The following SLC16A10 variants were observed in gnomAD, a reference collection of about 807,000 sequenced individuals.
The protein encoded by SLC16A10 is monocarboxylate transporter 10.
SLC16A10 carries 27 observed loss-of-function variants against 40.0 expected under a neutral mutation model. The ratio of observed to expected loss-of-function variants is 0.67; its 90% CI spans 0.50 to 0.93. The LOEUF is 0.93. Ranked by LOEUF, SLC16A10 falls within the 40% of genes least tolerant of loss-of-function variation. SLC16A10 has a pLI of 0.00. For synonymous variants in SLC16A10, 213 were observed against 249.8 expected (o/e 0.85, Z 1.39); for missense variants, 529 against 658.2 (o/e 0.80, Z 2.15).
chr6:111,145,869 G>C (rs1772068559), intron 1 of SLC16A10, among the ~76,000 whole-genome samples: 1 of 152,112 alleles, frequency 6.6e-6, no homozygotes, highest in African/African-American at 2.4e-5. Flanking sequence ...CCTCCACAAA[G>C]TGTAAAGGTA....
At position 111,172,731 on chromosome 6, in the gene SLC16A10, T is replaced by C. The variant is rs763131188; in HGVS notation, c.380T>C (p.Phe127Ser). ...TCTCTCTCCATGGGGATGATTTTCTTTTGCTGCCCAATAGTCAGCGTCTTC... is the reference window on the plus strand; with the variant it reads ...TCTCTCTCCATGGGGATGATTTTCTCTTGCTGCCCAATAGTCAGCGTCTTC... The part of the protein sequence containing the change: ...VGSLSMGMIF[F>S]CCPIVSVFTD... Residue 127 changes from phenylalanine to serine, a missense_variant, in exon 2 of 6, where the codon TTT becomes TCT. Coordinates refer to ENST00000368851, the MANE Select transcript of SLC16A10 (RefSeq NM_018593.5). The C allele has an allele frequency of 1.2e-6, 2 of 1,614,140 alleles. No individual in the cohort carries two copies. The highest frequency in any genetic ancestry group is 3.3e-5 in the Admixed American group (2 of 60,024).
At chr6:111,111,670 T>C (rs966282570) in intron 1 of SLC16A10, among the ~76,000 whole-genome samples, 9 of 152,260 alleles carry the variant, frequency 5.9e-5, no homozygotes, top group Admixed American at 4.6e-4. Flanking sequence ...CTCTCCTCTC[T>C]AACCAGTCCA....
intron 1 of SLC16A10, among the ~76,000 whole-genome samples, chr6:111,093,846 C>G (rs1340487287): frequency 6.6e-6 from 1 of 152,082 alleles, no homozygotes; most frequent in Non-Finnish European, 1.5e-5. Flanking sequence ...TCTAAACTAC[C>G]TGCTAAAATA....
chr6:111,213,842 C>T (rs1362505973), intron 4 of SLC16A10, among the ~76,000 whole-genome samples: 1 of 152,200 alleles, frequency 6.6e-6, no homozygotes, highest in African/African-American at 2.4e-5. Context: ...TTGTGATGGG[C>T]CAGCAGAACT....
In SLC16A10 at chr6:111,200,172, G is replaced by C. The variant is rs530656537; in HGVS notation, c.943-6420G>C. Among the ~76,000 whole-genome samples the C allele has an allele frequency of 3.3e-5, 5 of 152,288 alleles. No individual in the cohort carries two copies. In the South Asian group the frequency reaches 1.0e-3, roughly 32 times the overall value. ...CACCTGGTCAGCTGCTGAGGAGGGGGCAGGTACCTGTACCACAGTTTAGCC... is the reference window on the plus strand; with the variant it reads ...CACCTGGTCAGCTGCTGAGGAGGGGCCAGGTACCTGTACCACAGTTTAGCC... On this transcript the variant is annotated intron_variant, in intron 3 of 5. Coordinates refer to ENST00000368851, the MANE Select transcript of SLC16A10 (RefSeq NM_018593.5).
intron 1 of SLC16A10, chr6:111,091,346 A>G (rs1290504589): frequency 6.6e-6 from 1 of 152,158 alleles, no homozygotes; most frequent in Admixed American, 6.5e-5. Context: ...GCTGGGTTTT[A>G]ATCATTCATC....
chr6:111,124,108 T>G (rs1440287681), intron 1 of SLC16A10, among the ~76,000 whole-genome samples: 1 of 152,140 alleles, frequency 6.6e-6, no homozygotes, highest in African/African-American at 2.4e-5. Context: ...CAGGATGATT[T>G]CATCATATGA....
At chr6:111,100,451 C>T (rs565557698) in intron 1 of SLC16A10, among the ~76,000 whole-genome samples, 10 of 151,570 alleles carry the variant, frequency 6.6e-5, no homozygotes, top group African/African-American at 1.2e-4. Context: ...TGCAGTGGTG[C>T]GATCTCGGCT....
At chr6:111,088,379 G>A (rs1300622612) in intron 1 of SLC16A10, among the ~76,000 whole-genome samples, 2 of 152,206 alleles carry the variant, frequency 1.3e-5, no homozygotes, top group Non-Finnish European at 2.9e-5. Context: ...CAGAGCAGAC[G>A]CTAACAGTCC....
intron 3 of SLC16A10, among the ~76,000 whole-genome samples, chr6:111,180,125 A>T (rs1157068737): frequency 1.3e-5 from 2 of 152,246 alleles, no homozygotes; most frequent in African/African-American, 4.8e-5. Flanking sequence ...ACATGTAATT[A>T]AAAATGGCTA....
intron 1 of SLC16A10, among the ~76,000 whole-genome samples, chr6:111,114,354 T>A (rs1771446405): frequency 6.6e-6 from 1 of 152,180 alleles, no homozygotes; most frequent in African/African-American, 2.4e-5. Context: ...CCTTAAAAAG[T>A]CATGTAAAGC....
chr6:111,092,323 T>G lies in SLC16A10; in HGVS notation c.343+4228T>G, dbSNP rs866804657. On this transcript the variant is annotated intron_variant, in intron 1 of 5. Transcript: ENST00000368851. ...TTGTCTCTTTTTTTGTTGTTTTTTT[T>G]TTTTTTTTTTTTTTGAGACAGATTC... is the stretch of plus-strand genomic sequence containing the variant. 1.0e-2 allele frequency among the ~76,000 whole-genome samples: 1,354 copies of G among 135,970 alleles called. 1 individual carries two copies. The highest frequency in any genetic ancestry group is 0.018 in the African/African-American group (662 of 36,344). The allele number at this position is 135,970 out of a possible 152,430, so 89.2% of individuals were successfully genotyped here. A position where few individuals can be genotyped will look rare whatever the true frequency, so the allele number is the denominator to read the frequency against.
intron 1 of SLC16A10, among the ~76,000 whole-genome samples, chr6:111,144,872 T>C (rs1466531498): frequency 6.6e-6 from 1 of 152,080 alleles, no homozygotes; most frequent in African/African-American, 2.4e-5. Context: ...TGAGACGGAG[T>C]CTCCCTGTAT....
intron 3 of SLC16A10, among the ~76,000 whole-genome samples, chr6:111,199,476 C>G (rs925082681): frequency 6.7e-6 from 1 of 149,274 alleles, no homozygotes; most frequent in Non-Finnish European, 1.5e-5. Context: ...AAAAAAAAAT[C>G]GAATGTAGGT....
chr6:111,180,570 C>G (rs1476090389), intron 3 of SLC16A10, among the ~76,000 whole-genome samples: 1 of 151,368 alleles, frequency 6.6e-6, no homozygotes, highest in African/African-American at 2.4e-5. Context: ...ATAAAGTATT[C>G]TAAAGGAAGA....
At chr6:111,088,121 A>T in intron 1 of SLC16A10, 26 bp downstream of exon 1, 2 of 1,584,868 alleles carry the variant, frequency 1.3e-6, no homozygotes, top group Non-Finnish European at 1.7e-6. Context: ...CGCCGAGGCC[A>T]GCCTGGGCGA....
At chr6:111,125,962 G>C (rs1053346313) in intron 1 of SLC16A10, among the ~76,000 whole-genome samples, 2 of 152,112 alleles carry the variant, frequency 1.3e-5, no homozygotes, top group Admixed American at 6.6e-5. Context: ...ACTGATTTCT[G>C]TTGTAAATTC....
At chr6:111,184,027 A>G (rs1772850484) in intron 3 of SLC16A10, among the ~76,000 whole-genome samples, 1 of 152,234 alleles carries the variant, frequency 6.6e-6, no homozygotes, top group South Asian at 2.1e-4. Context: ...GACAGTGACA[A>G]TGATAATGAA....
At chr6:111,193,126 A>G (rs1583355049) in intron 3 of SLC16A10, among the ~76,000 whole-genome samples, 1 of 152,302 alleles carries the variant, frequency 6.6e-6, no homozygotes, top group East Asian at 1.9e-4. Flanking sequence ...TGCTGGGATT[A>G]CAGATGTGAG....
Sources: gnomAD v4.1 joint callset for allele counts (sites outside exome capture counted in the v4.1 genomes callset) on GRCh38, gnomAD v4.1.1 for gene constraint, MANE v1.5 for transcripts, NCBI Gene and HGNC (gene_info 2026-07-23, HGNC 2026-07-21) for gene names.